The following ADGRL3 variants were observed in gnomAD, a reference collection of about 807,000 sequenced individuals.
ADGRL3 encodes adhesion G protein-coupled receptor L3.
ADGRL3 carries 62 observed loss-of-function variants against 153.5 expected under a neutral mutation model. The ratio of observed to expected loss-of-function variants is 0.40; its 90% CI spans 0.33 to 0.50. ADGRL3 has a LOEUF of 0.50. ADGRL3 is among the 20% of genes least tolerant of loss of function. ADGRL3 has a pLI of 0.47. For synonymous variants in ADGRL3, 710 were observed against 672.5 expected, an observed-to-expected ratio of 1.06 and a Z score of -0.86; for missense variants, 1,641 against 1,859.4, an observed-to-expected ratio of 0.88 and a Z score of 2.16.
chr4:61,971,587 T>A (rs2150668800), intron 17 of ADGRL3, among the ~76,000 whole-genome samples: 1 of 152,212 alleles, frequency 6.6e-6, no homozygotes, highest in South Asian at 2.1e-4. Flanking sequence ...TTCCAAGTCT[T>A]TGCTATTGTG....
intron 9 of ADGRL3, among the ~76,000 whole-genome samples, chr4:61,887,285 T>C (rs563531652): frequency 1.2e-4 from 18 of 152,320 alleles, no homozygotes; most frequent in African/African-American, 4.3e-4. Context: ...AGATTCTTTT[T>C]ATTTCCTTCA....
At chr4:61,628,863 C>T (rs1027711514) in intron 5 of ADGRL3, among the ~76,000 whole-genome samples, 1 of 152,122 alleles carries the variant, frequency 6.6e-6, no homozygotes, top group Non-Finnish European at 1.5e-5. Context: ...GGACTTTGTT[C>T]TTGTTGACAG....
chr4:61,584,298 C>T (rs1478194797), intron 4 of ADGRL3, among the ~76,000 whole-genome samples: 2 of 151,902 alleles, frequency 1.3e-5, no homozygotes, highest in East Asian at 3.9e-4. Context: ...TGGAAGAAAG[C>T]ATACACAAAC....
intron 9 of ADGRL3, among the ~76,000 whole-genome samples, chr4:61,876,599 G>A (rs77964079): frequency 6.6e-6 from 1 of 151,874 alleles, no homozygotes; most frequent in Non-Finnish European, 1.5e-5. Flanking sequence ...CAAACAATTA[G>A]TGATATAATT....
At chr4:61,729,274 C>A (rs2096400687) in intron 6 of ADGRL3, among the ~76,000 whole-genome samples, 1 of 151,736 alleles carries the variant, frequency 6.6e-6, no homozygotes, top group Admixed American at 6.6e-5. Flanking sequence ...AATTTGATAA[C>A]CTTATTTGCA....
At chr4:61,672,679 T>C (rs1161247861) in intron 5 of ADGRL3, among the ~76,000 whole-genome samples, 1 of 151,990 alleles carries the variant, frequency 6.6e-6, no homozygotes, top group Non-Finnish European at 1.5e-5. Flanking sequence ...AAGATAAGTG[T>C]TGATGACAAT....
chr4:61,327,153 A>C (rs1310019391), intron 1 of ADGRL3, among the ~76,000 whole-genome samples: 1 of 151,974 alleles, frequency 6.6e-6, no homozygotes, highest in African/African-American at 2.4e-5. Context: ...TCTTAAAAGA[A>C]GCCACTAAGG....
At chr4:61,999,914 A>T (rs1476302718) in intron 21 of ADGRL3, among the ~76,000 whole-genome samples, 2 of 152,182 alleles carry the variant, frequency 1.3e-5, no homozygotes, top group Non-Finnish European at 2.9e-5. Context: ...AATATTACTT[A>T]GTTGAGATAA....
At chr4:61,767,576 A>C (rs1411986120) in intron 8 of ADGRL3, among the ~76,000 whole-genome samples, 1 of 151,894 alleles carries the variant, frequency 6.6e-6, no homozygotes, top group South Asian at 2.1e-4. Flanking sequence ...CCGGTAAGCC[A>C]AGAAGGAGTC....
intron 8 of ADGRL3, among the ~76,000 whole-genome samples, chr4:61,748,403 T>G (rs963905855): frequency 8.6e-5 from 13 of 151,034 alleles, no homozygotes; most frequent in Non-Finnish European, 4.4e-5. Context: ...CATTCCCAAG[T>G]CAATCCTAAG....
chr4:61,262,720 C>T (rs1453926116), intron 1 of ADGRL3, among the ~76,000 whole-genome samples: 1 of 151,920 alleles, frequency 6.6e-6, no homozygotes, highest in Non-Finnish European at 1.5e-5. Flanking sequence ...AGGACTTATG[C>T]TCTCTCTCTC....
At chr4:61,615,226 T>A (rs1366807655) in intron 5 of ADGRL3, among the ~76,000 whole-genome samples, 1 of 152,104 alleles carries the variant, frequency 6.6e-6, no homozygotes, top group Admixed American at 6.6e-5. Flanking sequence ...CTCTTCCGAA[T>A]TTGTTTATAA....
chr4:61,828,818 T>C lies in ADGRL3; in HGVS notation c.1480+14929T>C, dbSNP rs189555076. ...TCACGCAGTACTAATCTAAAGCAAA[T>C]GTCATATGAAAAGCTATGTCCCTGC... On this transcript the variant is annotated intron_variant, in intron 9 of 26. Transcript: ENST00000683033. Among the ~76,000 whole-genome samples the C allele has an allele frequency of 7.1e-3, 1,075 of 152,286 alleles. 9 individuals are homozygous for C. Among genetic ancestry groups the C allele is most frequent in the Non-Finnish European group, 8.1e-3 (549 of 68,018 alleles).
intron 8 of ADGRL3, among the ~76,000 whole-genome samples, chr4:61,789,344 T>G (rs190454299): frequency 6.6e-6 from 1 of 152,166 alleles, no homozygotes; most frequent in African/African-American, 2.4e-5. Flanking sequence ...AAGAAACTCC[T>G]AGAGAGAAGA....
chr4:61,659,497 A>C (rs2094532055), intron 5 of ADGRL3, among the ~76,000 whole-genome samples: 1 of 152,176 alleles, frequency 6.6e-6, no homozygotes, highest in Non-Finnish European at 1.5e-5. Context: ...ATGTTGATTA[A>C]ATGAATAATC....
Position 61,403,202 on chromosome 4 carries a change from C to G in ADGRL3, c.-174+20013C>G, listed in dbSNP as rs1455679573. Reference sequence around the variant, plus strand: ...TTTTCTGACACACAGCTCCTAAAACCCTTAGAATCTCTGAAGTGGCAAATG... The same window carrying G: ...TTTTCTGACACACAGCTCCTAAAACGCTTAGAATCTCTGAAGTGGCAAATG... On this transcript the variant is annotated intron_variant, in intron 2 of 26. Coordinates refer to ENST00000683033, the MANE Select transcript of ADGRL3 (RefSeq NM_001387552.1). Among the ~76,000 whole-genome samples the G allele has an allele frequency of 3.3e-5, 5 of 151,974 alleles. No individual in the cohort carries two copies. The East Asian group carries it at 9.7e-4, about 29-fold the overall frequency.
At chr4:61,477,398 C>T (rs1434692813) in intron 2 of ADGRL3, among the ~76,000 whole-genome samples, 2 of 151,982 alleles carry the variant, frequency 1.3e-5, no homozygotes, top group African/African-American at 2.4e-5. Flanking sequence ...CACATGTGCA[C>T]ACACAATTTT....
chr4:61,706,582 T>C (rs951392327), intron 6 of ADGRL3, among the ~76,000 whole-genome samples: 1 of 152,200 alleles, frequency 6.6e-6, no homozygotes, highest in African/African-American at 2.4e-5. Context: ...TTTAAAATTA[T>C]GGAGACAGCT....
Position 61,380,468 on chromosome 4 carries a change from G to A in ADGRL3, c.-239-2656G>A, listed in dbSNP as rs551310396. 3.3e-5 allele frequency among the ~76,000 whole-genome samples: 5 copies of A among 152,014 alleles called. No individual in the cohort carries two copies. The South Asian group carries it at 1.0e-3, about 32-fold the overall frequency. On this transcript the variant is annotated intron_variant, in intron 1 of 26. Transcript: ENST00000683033. ...CATGTATTCCAGTTTTTTTGTAATT[G>A]ATGAATTGAATGTCATTTTTATTTT...
Sources: allele counts gnomAD v4.1 joint callset (sites outside exome capture counted in the v4.1 genomes callset), GRCh38; gene constraint gnomAD v4.1.1; transcripts MANE v1.5; gene names NCBI Gene and HGNC (gene_info 2026-07-23, HGNC 2026-07-21).